Variants in ANKIB1 observed in about 807,000 individuals in gnomAD.
ANKIB1 encodes ankyrin repeat and IBR domain-containing protein 1.
In ANKIB1, 43 loss-of-function variants were observed where a neutral mutation model predicts 122.1. The observed-to-expected ratio is 0.35, with a 90% CI of 0.28 to 0.45. The LOEUF (loss-of-function observed/expected upper bound fraction) is 0.45. ANKIB1 is among the 20% of genes least tolerant of loss of function. ANKIB1 has a pLI of 1.00. For missense variants in ANKIB1, 992 were observed against 1,329.5 expected, an observed-to-expected ratio of 0.75 and a Z score of 3.95; for synonymous variants, 390 against 442.0, an observed-to-expected ratio of 0.88 and a Z score of 1.48.
chr7:92,314,597 C>G (rs1332895630), intron 3 of ANKIB1, among the ~76,000 whole-genome samples: 4 of 152,166 alleles, frequency 2.6e-5, no homozygotes. Context: ...TAGCTTGGGG[C>G]ATAATTTGTG....
intron 4 of ANKIB1, among the ~76,000 whole-genome samples, chr7:92,324,154 C>T (rs1006627026): frequency 2.0e-5 from 3 of 152,212 alleles, no homozygotes; most frequent in African/African-American, 7.2e-5. Flanking sequence ...GGTGATTGTA[C>T]AACACTGAAA....
At chr7:92,285,628 C>T (rs1442654202) in intron 1 of ANKIB1, among the ~76,000 whole-genome samples, 1 of 152,218 alleles carries the variant, frequency 6.6e-6, no homozygotes, top group Non-Finnish European at 1.5e-5. Context: ...GCTCTTTCAA[C>T]TCACTAAACT....
At chr7:92,251,391 T>G (rs535705116) in intron 1 of ANKIB1, among the ~76,000 whole-genome samples, 8 of 152,292 alleles carry the variant, frequency 5.3e-5, no homozygotes, top group Non-Finnish European at 8.8e-5. Context: ...TAAATCAACA[T>G]ATTCAGCCAG....
intron 11 of ANKIB1, among the ~76,000 whole-genome samples, chr7:92,383,017 G>A (rs1804554832): frequency 6.6e-6 from 1 of 152,010 alleles, no homozygotes; most frequent in African/African-American, 2.4e-5. Flanking sequence ...GAAGAAAAGA[G>A]AGAAGAATCC....
intron 9 of ANKIB1, among the ~76,000 whole-genome samples, chr7:92,353,467 G>C (rs914582933): frequency 4.6e-5 from 7 of 152,200 alleles, no homozygotes; most frequent in African/African-American, 1.7e-4. Context: ...AAAAGCTACA[G>C]TATTTATTCT....
chr7:92,279,907 G>A (rs148517145), intron 1 of ANKIB1, among the ~76,000 whole-genome samples: 1 of 151,940 alleles, frequency 6.6e-6, no homozygotes, highest in Non-Finnish European at 1.5e-5. Flanking sequence ...CACACATCAG[G>A]GTGAAAAATT....
chr7:92,335,527 T>C (rs1803270238), intron 5 of ANKIB1, among the ~76,000 whole-genome samples: 1 of 151,998 alleles, frequency 6.6e-6, no homozygotes, highest in Non-Finnish European at 1.5e-5. Context: ...TCCTTAATGG[T>C]GTCAATTTGC....
intron 5 of ANKIB1, among the ~76,000 whole-genome samples, chr7:92,332,198 A>G (rs1803186831): frequency 6.6e-6 from 1 of 152,214 alleles, no homozygotes; most frequent in South Asian, 2.1e-4. Context: ...TTTAGGTGGT[A>G]TCAATGACAT....
chr7:92,379,967 G>A (rs992464393), intron 11 of ANKIB1, among the ~76,000 whole-genome samples: 2 of 152,116 alleles, frequency 1.3e-5, no homozygotes, highest in African/African-American at 4.8e-5. Flanking sequence ...AAGCATAAAG[G>A]GTTGGGGGAT....
intron 1 of ANKIB1, among the ~76,000 whole-genome samples, chr7:92,285,885 A>C (rs1802113109): frequency 6.6e-6 from 1 of 152,232 alleles, no homozygotes; most frequent in Non-Finnish European, 1.5e-5. Flanking sequence ...TTCCCTGTGC[A>C]GATCCCCAGC....
intron 11 of ANKIB1, among the ~76,000 whole-genome samples, chr7:92,383,852 A>T (rs1177855220): frequency 6.6e-6 from 1 of 152,184 alleles, no homozygotes; most frequent in African/African-American, 2.4e-5. Context: ...GCCCTCTCTC[A>T]CCACTCCTAT....
At chr7:92,340,166 C>G (rs1321396545) in intron 5 of ANKIB1, among the ~76,000 whole-genome samples, 27 of 151,908 alleles carry the variant, frequency 1.8e-4, no homozygotes, top group Admixed American at 9.2e-4. Flanking sequence ...CTCTGTAATC[C>G]AGCTGTCTTT....
chr7:92,289,630 C>A (rs944324523), intron 1 of ANKIB1, among the ~76,000 whole-genome samples: 1 of 152,166 alleles, frequency 6.6e-6, no homozygotes, highest in African/African-American at 2.4e-5. Flanking sequence ...GCCTCGTTCC[C>A]CTTAAGACCA....
chr7:92,399,124 C>A lies in ANKIB1; in HGVS notation c.*175C>A, dbSNP rs1355236524. On this transcript the variant is annotated 3_prime_UTR_variant, in exon 20 of 20. Transcript: ENST00000265742. ...AGCTTCATTTTTTATTTTAACCTTA[C>A]AGGGAATTTCCTTTGTACTTAATTG... 1 of 617,976 alleles carries A rather than the reference C, an allele frequency of 1.6e-6. No individual in the cohort carries two copies. The highest frequency in any genetic ancestry group is 2.4e-6 in the Non-Finnish European group (1 of 410,430). 38.3% of individuals were successfully genotyped at this position (617,976 alleles called of 1,614,324 possible). A position where few individuals can be genotyped will look rare whatever the true frequency, so the allele number is the denominator to read the frequency against.
At chr7:92,287,459 A>C (rs1326106583) in intron 1 of ANKIB1, among the ~76,000 whole-genome samples, 1 of 152,162 alleles carries the variant, frequency 6.6e-6, no homozygotes, top group Non-Finnish European at 1.5e-5. Context: ...AAATTTTTTC[A>C]CAAGAGTACT....
At chr7:92,250,666 A>C (rs986502893) in intron 1 of ANKIB1, among the ~76,000 whole-genome samples, 6 of 152,214 alleles carry the variant, frequency 3.9e-5, no homozygotes, top group Non-Finnish European at 7.3e-5. Flanking sequence ...GATTTTGGCA[A>C]CTAAGGGCCT....
chr7:92,377,616 A>AT (rs1018072389), intron 11 of ANKIB1, among the ~76,000 whole-genome samples: 1 of 152,224 alleles, frequency 6.6e-6, no homozygotes, highest in Non-Finnish European at 1.5e-5. Context: ...GCAAAGTGCA[A>AT]TGAAACAAGG....
At chr7:92,288,905 A>C (rs963960456) in intron 1 of ANKIB1, among the ~76,000 whole-genome samples, 1 of 152,178 alleles carries the variant, frequency 6.6e-6, no homozygotes, top group Non-Finnish European at 1.5e-5. Flanking sequence ...GACCATGGTA[A>C]CTCTGAATGC....
chr7:92,289,787 C>G (rs1442236143), intron 1 of ANKIB1, among the ~76,000 whole-genome samples: 1 of 152,120 alleles, frequency 6.6e-6, no homozygotes, highest in Non-Finnish European at 1.5e-5. Flanking sequence ...TGTCCACTGA[C>G]TTTTCTTTTT....
Sources: gnomAD v4.1 joint callset for allele counts (sites outside exome capture counted in the v4.1 genomes callset) on GRCh38, gnomAD v4.1.1 for gene constraint, MANE v1.5 for transcripts, NCBI Gene and HGNC (gene_info 2026-07-23, HGNC 2026-07-21) for gene names.